FSTL1: variants seen among roughly 807,000 people sequenced by gnomAD.
FSTL1 encodes follistatin-related protein 1.
Under a neutral mutation model 45.9 loss-of-function variants are expected in FSTL1, and 24 were observed. The observed-to-expected ratio is 0.52, with a 90% CI of 0.38 to 0.74. The LOEUF (loss-of-function observed/expected upper bound fraction) is 0.74. FSTL1 is among the 30% of genes least tolerant of loss of function. FSTL1 has a pLI of 0.00. For missense variants in FSTL1, 340 were observed against 381.8 expected, an observed-to-expected ratio of 0.89 and a Z score of 0.91; for synonymous variants, 120 against 137.6, an observed-to-expected ratio of 0.87 and a Z score of 0.89.
intron 10 of FSTL1, among the ~76,000 whole-genome samples, chr3:120,398,952 A>G (rs1274659370): frequency 2.0e-5 from 3 of 152,224 alleles, no homozygotes; most frequent in Non-Finnish European, 2.9e-5. Context: ...AACCGACATG[A>G]GATTTCTATA....
intron 9 of FSTL1, 187 bp from the exon 10 acceptor site, chr3:120,400,146 C>T (rs767092335): frequency 1.7e-6 from 1 of 598,946 alleles, no homozygotes; most frequent in East Asian, 2.8e-5. Context: ...CAAGGTAACA[C>T]ATTGTAACAA....
intron 3 of FSTL1, among the ~76,000 whole-genome samples, chr3:120,412,816 ATGTGCGCGCGCGCGCG>A (rs1239883285): frequency 7.7e-6 from 1 of 129,362 alleles, no homozygotes; most frequent in East Asian, 3.4e-4. Flanking sequence ...ACACACACAC[ATGTGCGCGCGCGCGCG>A]CGCGCGCACA....
At chr3:120,400,203 T>G in intron 9 of FSTL1, 2 of 513,288 alleles carry the variant, frequency 3.9e-6, no homozygotes, top group East Asian at 3.2e-5. Flanking sequence ...TTTAACTGCT[T>G]AGCACATCCC....
At chr3:120,404,391 T>C (rs1048680885) in intron 7 of FSTL1, among the ~76,000 whole-genome samples, 5 of 152,254 alleles carry the variant, frequency 3.3e-5, no homozygotes, top group African/African-American at 1.2e-4. Context: ...TTAATATTGA[T>C]TCTGGAATAA....
At chr3:120,400,255 T>G (rs141431875) in intron 9 of FSTL1, among the ~76,000 whole-genome samples, 145 of 152,302 alleles carry the variant, frequency 9.5e-4, no homozygotes, top group African/African-American at 3.3e-3. Context: ...GGTGAAAACT[T>G]GGATCCTGAC....
rs1186051003 is a variant in FSTL1 at position 120,396,498 on chromosome 3, T to G, written c.*454A>C. 6.3e-6 allele frequency: 1 copy of G among 159,600 alleles called. No individual in the cohort carries two copies. Among genetic ancestry groups the G allele is most frequent in the Non-Finnish European group, 1.4e-5 (1 of 72,668 alleles). 9.9% of individuals were successfully genotyped at this position (159,600 alleles called of 1,614,324 possible). A position where few individuals can be genotyped will look rare whatever the true frequency, so the allele number is the denominator to read the frequency against. On this transcript the variant is annotated 3_prime_UTR_variant, in exon 11 of 11. Transcript: ENST00000295633. ...AAGAGATGCGTGGATGCTGGAGGTC[T>G]GTCATGCTGACGGCAATGGAAAGAG...
chr3:120,403,295 C>T lies in FSTL1; in HGVS notation c.641G>A (p.Ser214Asn). ...GAGGCACTTGAGAAACTCTTGGAAG[C>T]TGAGTTTCCAATCAGCATTTTCATC... is the stretch of plus-strand genomic sequence containing the variant. ...LSDENADWKL[S>N]FQEFLKCLNP... The change falls in exon 8 of 11, where the codon AGC (serine) becomes AAC (asparagine). Residue 214 changes from serine to asparagine, a missense_variant. By Grantham distance (46) the Ser-to-Asn change is conservative. Transcript: ENST00000295633. 6.2e-7 allele frequency: 1 copy of T among 1,613,066 alleles called. No homozygotes were observed. Among genetic ancestry groups the T allele is most frequent in the Non-Finnish European group, 8.5e-7 (1 of 1,178,982 alleles).
At chr3:120,397,956 T>G (rs1217224279) in intron 10 of FSTL1, among the ~76,000 whole-genome samples, 1 of 152,216 alleles carries the variant, frequency 6.6e-6, no homozygotes, top group Non-Finnish European at 1.5e-5. Flanking sequence ...ATTCATGCTG[T>G]AAGAATGAAC....
intron 2 of FSTL1, 23 bp downstream of exon 2, chr3:120,450,661 G>A (rs754841519): frequency 3.3e-6 from 5 of 1,531,310 alleles, no homozygotes; most frequent in Non-Finnish European, 4.4e-6. Context: ...GACCGAGTTC[G>A]GACTCCTCGG....
intron 5 of FSTL1, chr3:120,409,919 A>C (rs918727900): frequency 3.2e-6 from 1 of 308,282 alleles, no homozygotes; most frequent in Admixed American, 4.7e-5. Flanking sequence ...AGAAATAACT[A>C]GAGCAGAAAA....
At chr3:120,434,132 T>C (rs531604637) in intron 2 of FSTL1, among the ~76,000 whole-genome samples, 6 of 152,106 alleles carry the variant, frequency 3.9e-5, no homozygotes, top group Non-Finnish European at 7.4e-5. Context: ...CCAGGCACAA[T>C]GATGGCAGCT....
intron 2 of FSTL1, among the ~76,000 whole-genome samples, chr3:120,445,177 A>C (rs1937710978): frequency 2.0e-5 from 3 of 149,894 alleles, no homozygotes; most frequent in Admixed American, 1.3e-4. Flanking sequence ...AGTTTACTAA[A>C]ATGGATTAAT....
At chr3:120,428,627 T>C (rs1333407337) in intron 2 of FSTL1, among the ~76,000 whole-genome samples, 2 of 152,096 alleles carry the variant, frequency 1.3e-5, no homozygotes, top group Non-Finnish European at 2.9e-5. Flanking sequence ...CCAGCTACTC[T>C]GGAGGCTGAG....
chr3:120,416,004 C>T lies in FSTL1; in HGVS notation c.87G>A (p.Lys29=). The change falls in exon 3 of 11, where the codon AAG becomes AAA. Residue 29 remains lysine (K), a synonymous_variant. Transcript: ENST00000295633. ...RAEEELRSKS[K]ICANVFCGAG... ...CTCCACAAAACACATTGGCACAGAT[C>T]TTGGATTTGCTCCTTAGCTCTTCCT... is the stretch of plus-strand genomic sequence containing the variant. The T allele has an allele frequency of 6.2e-7, 1 of 1,613,648 alleles. No individual in the cohort carries two copies.
chr3:120,416,671 G>T (rs750301037), intron 2 of FSTL1, among the ~76,000 whole-genome samples: 1 of 152,198 alleles, frequency 6.6e-6, no homozygotes, highest in Non-Finnish European at 1.5e-5. Flanking sequence ...AAGAAGGATG[G>T]CTAAACCATT....
intron 3 of FSTL1, 53 bp from the exon 4 acceptor site, chr3:120,412,036 G>GAC (rs112243174): frequency 0.071 from 100,835 of 1,420,510 alleles, 2,868 homozygotes; most frequent in East Asian, 0.15. Context: ...TCGACACACA[G>GAC]ACACACACAC....
At chr3:120,442,492 G>A (rs944697824) in intron 2 of FSTL1, among the ~76,000 whole-genome samples, 1 of 152,166 alleles carries the variant, frequency 6.6e-6, no homozygotes, top group African/African-American at 2.4e-5. Flanking sequence ...GAAAAAGACA[G>A]AGTTAGGCCT....
At chr3:120,426,691 T>C (rs1937387136) in intron 2 of FSTL1, among the ~76,000 whole-genome samples, 1 of 152,172 alleles carries the variant, frequency 6.6e-6, no homozygotes, top group African/African-American at 2.4e-5. Flanking sequence ...GCCAAGCCAC[T>C]ATTCTCGACG....
At chr3:120,441,562 G>T (rs1937627693) in intron 2 of FSTL1, among the ~76,000 whole-genome samples, 1 of 152,240 alleles carries the variant, frequency 6.6e-6, no homozygotes, top group Non-Finnish European at 1.5e-5. Flanking sequence ...AAAAGAAGGT[G>T]ATAATTAAAT....
Sources: allele counts gnomAD v4.1 joint callset (sites outside exome capture counted in the v4.1 genomes callset), GRCh38; gene constraint gnomAD v4.1.1; transcripts MANE v1.5; gene names NCBI Gene and HGNC (gene_info 2026-07-23, HGNC 2026-07-21).